The following PTPN13 variants were observed in gnomAD, a reference collection of about 807,000 sequenced individuals.
PTPN13 encodes tyrosine-protein phosphatase non-receptor type 13.
PTPN13 carries 191 observed loss-of-function variants against 284.0 expected under a neutral mutation model. The ratio of observed to expected loss-of-function variants is 0.67; its 90% CI spans 0.60 to 0.76. The LOEUF (loss-of-function observed/expected upper bound fraction) is 0.76, where lower values mean the gene tolerates loss of function less well. PTPN13 is among the 30% of genes least tolerant of loss of function. The probability of loss-of-function intolerance (pLI) is 0.00; values close to 1 mark genes in which losing one functional copy is unlikely to be tolerated. For synonymous variants in PTPN13, 986 were observed against 1,022.3 expected (o/e 0.96, Z 0.68); for missense variants, 2,797 against 2,939.9 (o/e 0.95, Z 1.12).
intron 40 of PTPN13, among the ~76,000 whole-genome samples, chr4:86,791,451 C>T (rs1209389337): frequency 1.3e-5 from 2 of 152,214 alleles, no homozygotes; most frequent in Non-Finnish European, 2.9e-5. Flanking sequence ...AAGCAGACAG[C>T]TTCTCCAGAC....
intron 2 of PTPN13, among the ~76,000 whole-genome samples, chr4:86,635,780 A>G (rs1468624332): frequency 6.6e-6 from 1 of 152,112 alleles, no homozygotes; most frequent in African/African-American, 2.4e-5. Context: ...CCTGGTGAAC[A>G]TGATGAAACC....
In PTPN13 at chr4:86,799,190, A is replaced by G. The variant is rs757396490; in HGVS notation, c.6491A>G (p.Glu2164Gly). The change falls in exon 42 of 48, where the codon GAA becomes GGA. Residue 2164 changes from glutamate (E) to glycine (G), a missense_variant. Coordinates refer to ENST00000411767, the MANE Select transcript of PTPN13 (RefSeq NM_080683.3). ...TTGCCAATAGAGAGAACAAACCATG[A>G]AGATTCTGATAAAGGCAAGAATTTT... ...DELPIERTNH[E>G]DSDKDHSFLT... 13 of 1,556,904 alleles carry G rather than the reference A, an allele frequency of 8.3e-6. No individual in the cohort carries two copies. Among genetic ancestry groups the G allele is most frequent in the Admixed American group, 4.0e-5 (2 of 49,470 alleles).
chr4:86,613,490 C>T (rs747981716), intron 1 of PTPN13, among the ~76,000 whole-genome samples: 9 of 151,948 alleles, frequency 5.9e-5, no homozygotes, highest in South Asian at 2.1e-4. Context: ...AAAAGTTAGC[C>T]GGGCGTGGTG....
chr4:86,764,526 A>T (rs897001197), intron 24 of PTPN13, 67 bp from the exon 25 acceptor site: 1 of 1,255,472 alleles, frequency 8.0e-7, no homozygotes, highest in Non-Finnish European at 1.1e-6. Flanking sequence ...AAAAGAAATT[A>T]AAAAAAGAAA....
At chr4:86,760,209 A>G (rs916883075) in intron 23 of PTPN13, among the ~76,000 whole-genome samples, 1 of 152,174 alleles carries the variant, frequency 6.6e-6, no homozygotes, top group African/African-American at 2.4e-5. Flanking sequence ...ATAGAAGGGA[A>G]ATAGAAAACA....
Position 86,750,589 on chromosome 4 carries a change from C to T in PTPN13, c.2770C>T (p.Pro924Ser), listed in dbSNP as rs763863340. The T allele has an allele frequency of 6.2e-7, 1 of 1,613,928 alleles. No homozygotes were observed. The highest frequency in any genetic ancestry group is 2.2e-5 in the East Asian group (1 of 44,860). Residue 924 changes from proline (P) to serine (S), a missense_variant, in exon 18 of 48, where the codon CCT becomes TCT. Transcript: ENST00000411767. ...CACCCTCAACAAACTTGCTGTTCGA[C>T]CTTTATCAGTTCAAGCTGAGATTCT... Reference protein sequence around the residue: ...SSTLNKLAVRPLSVQAEILKR... With the variant: ...SSTLNKLAVRSLSVQAEILKR...
intron 40 of PTPN13, among the ~76,000 whole-genome samples, chr4:86,791,410 C>G (rs1742649991): frequency 6.6e-6 from 1 of 152,196 alleles, no homozygotes; most frequent in South Asian, 2.1e-4. Context: ...TAGATTCCAC[C>G]TCTGGGGGCA....
chr4:86,672,235 TAAC>T (rs1289173422), intron 2 of PTPN13, 127 bp from the exon 3 acceptor site: 1 of 693,114 alleles, frequency 1.4e-6, no homozygotes, highest in African/African-American at 1.8e-5. Context: ...TGGTATATGT[TAAC>T]TACTTATTAA....
At position 86,701,461 on chromosome 4, in the gene PTPN13, A is replaced by T; in HGVS notation, c.855A>T (p.Lys285Asn). 1 of 1,613,840 alleles carries T rather than the reference A, an allele frequency of 6.2e-7. No homozygotes were observed. The change falls in exon 7 of 48, where the codon AAA (lysine) becomes AAT (asparagine). Residue 285 changes from lysine to asparagine, a missense_variant. Coordinates refer to ENST00000411767, the MANE Select transcript of PTPN13 (RefSeq NM_080683.3). ...YQFKTSGPEK[K>N]PIPGIDVLSK... ...TCAAAACTAGTGGCCCAGAAAAAAA[A>T]CCCATCCCTGGCATTGATGTGCTTT...
intron 3 of PTPN13, among the ~76,000 whole-genome samples, chr4:86,684,042 T>C (rs989803020): frequency 1.3e-5 from 2 of 152,018 alleles, no homozygotes; most frequent in Non-Finnish European, 2.9e-5. Flanking sequence ...CAGACATGTA[T>C]TGAATATCTG....
intron 25 of PTPN13, 81 bp from the exon 26 acceptor site, chr4:86,765,314 A>C: frequency 9.8e-7 from 1 of 1,025,240 alleles, no homozygotes; most frequent in Non-Finnish European, 1.5e-6. Context: ...TTGGCTAATG[A>C]ATCCTTTCTA....
At chr4:86,638,328 C>T in intron 2 of PTPN13, among the ~76,000 whole-genome samples, 1 of 152,174 alleles carries the variant, frequency 6.6e-6, no homozygotes, top group Non-Finnish European at 1.5e-5. Context: ...GAAAAAACTA[C>T]TTTAAAGTTC....
intron 42 of PTPN13, among the ~76,000 whole-genome samples, chr4:86,803,198 A>G (rs938908823): frequency 1.3e-5 from 2 of 150,930 alleles, no homozygotes; most frequent in African/African-American, 4.9e-5. Context: ...TTTATTGTGT[A>G]TATATATACA....
At chr4:86,777,851 C>T (rs948077235) in intron 35 of PTPN13, among the ~76,000 whole-genome samples, 1 of 152,106 alleles carries the variant, frequency 6.6e-6, no homozygotes, top group African/African-American at 2.4e-5. Context: ...CAATTGTTTT[C>T]ATAGATCTAC....
chr4:86,735,097 T>C (rs1474971590), intron 14 of PTPN13, among the ~76,000 whole-genome samples: 1 of 152,138 alleles, frequency 6.6e-6, no homozygotes, highest in South Asian at 2.1e-4. Flanking sequence ...TTTTGGAGTT[T>C]AGGAATATCT....
At chr4:86,655,102 T>C (rs1389100789) in intron 2 of PTPN13, among the ~76,000 whole-genome samples, 1 of 152,212 alleles carries the variant, frequency 6.6e-6, no homozygotes, top group African/African-American at 2.4e-5. Flanking sequence ...TGGTAGATCT[T>C]CCTGCGTCCC....
Position 86,815,070 on chromosome 4 carries a change from A to AT in PTPN13, c.*520dup, listed in dbSNP as rs1490134171. On this transcript the variant is annotated 3_prime_UTR_variant, in exon 48 of 48. Coordinates refer to ENST00000411767, the MANE Select transcript of PTPN13 (RefSeq NM_080683.3). ...TATACTTTTTCATGAAAATGGAGTTATCAGTTATCTGTTTGTTACTGCATC... is the reference window on the plus strand; with the variant it reads ...TATACTTTTTCATGAAAATGGAGTTATTCAGTTATCTGTTTGTTACTGCATC... The AT allele has an allele frequency of 1.3e-5, 2 of 152,756 alleles. No homozygotes were observed. 9.5% of individuals were successfully genotyped at this position (152,756 alleles called of 1,614,324 possible).
In PTPN13 at chr4:86,786,733, T is replaced by C. The variant is rs1211113986; in HGVS notation, c.6345+797T>C. Among the ~76,000 whole-genome samples the C allele has an allele frequency of 5.9e-5, 9 of 152,274 alleles. No homozygotes were observed. The East Asian group carries it at 1.5e-3, about 26-fold the overall frequency. ...CATTTTTATTAATATTTAATAGTAA[T>C]ATTAAAATGCCCCTTAAAATGTATG... On this transcript the variant is annotated intron_variant, in intron 40 of 47. Transcript: ENST00000411767.
chr4:86,616,486 A>T (rs562063567), intron 1 of PTPN13, among the ~76,000 whole-genome samples: 1 of 143,862 alleles, frequency 7.0e-6, no homozygotes, highest in African/African-American at 2.6e-5. Context: ...TCATCCTGAC[A>T]TGTAATCCCC....
Sources: allele counts gnomAD v4.1 joint callset (sites outside exome capture counted in the v4.1 genomes callset), GRCh38; gene constraint gnomAD v4.1.1; transcripts MANE v1.5; gene names NCBI Gene and HGNC (gene_info 2026-07-23, HGNC 2026-07-21).